COX7A2: variants seen among roughly 807,000 people sequenced by gnomAD.
COX7A2 encodes cytochrome c oxidase subunit 7A2, also known as cytochrome c oxidase subunit 7A2, mitochondrial.
COX7A2 carries 11 observed loss-of-function variants against 11.6 expected under a neutral mutation model. The ratio of observed to expected loss-of-function variants is 0.95; its 90% confidence interval spans 0.60 to 1.57. COX7A2 has a LOEUF of 1.57. Among genes scored for constraint, COX7A2 ranks in the 40% most tolerant of loss-of-function variants. COX7A2 has a pLI of 0.00. For missense variants in COX7A2, 106 were observed against 100.9 expected, an observed-to-expected ratio of 1.05 and a Z score of -0.22; for synonymous variants, 30 against 38.2, an observed-to-expected ratio of 0.78 and a Z score of 0.79.
intron 3 of COX7A2, among the ~76,000 whole-genome samples, chr6:75,239,351 C>T (rs1311557926): frequency 1.3e-5 from 2 of 152,118 alleles, no homozygotes; most frequent in Non-Finnish European, 1.5e-5. Flanking sequence ...AGGGAAAAAC[C>T]CCCACACATT....
At position 75,237,904 on chromosome 6, in the gene COX7A2, C is replaced by A. The variant is rs1771362375; in HGVS notation, c.*26G>T. On this transcript the variant is annotated 3_prime_UTR_variant, in exon 4 of 4. Transcript: ENST00000684430. ...CCATAGAGAGCTGAATGAAACTGAACCAAGCGATTGCTGGGATGACTGAAG... is the reference window on the plus strand; with the variant it reads ...CCATAGAGAGCTGAATGAAACTGAAACAAGCGATTGCTGGGATGACTGAAG... 6.3e-7 allele frequency: 1 copy of A among 1,598,068 alleles called. No homozygotes were observed. The highest frequency in any genetic ancestry group is 8.6e-7 in the Non-Finnish European group (1 of 1,167,450).
chr6:75,248,021 T>A (rs1477930167), upstream of COX7A2, among the ~76,000 whole-genome samples: 1 of 151,956 alleles, frequency 6.6e-6, no homozygotes, highest in Non-Finnish European at 1.5e-5. Flanking sequence ...TAACCTGCTC[T>A]CTCTGCAGTC....
chr6:75,249,101 C>T (rs1771741147), intron 1 of COX7A2, among the ~76,000 whole-genome samples: 1 of 152,014 alleles, frequency 6.6e-6, no homozygotes, highest in African/African-American at 2.4e-5. Context: ...ACTAAAAATA[C>T]AAAAATTAGC....
exon 1 of COX7A2, chr6:75,250,061 G>T (rs1771756404): frequency 6.6e-6 from 1 of 152,210 alleles, no homozygotes; most frequent in Non-Finnish European, 1.5e-5. Flanking sequence ...CTTACCTCAA[G>T]GTGGTTGGCT....
intron 1 of COX7A2, among the ~76,000 whole-genome samples, chr6:75,248,970 G>A (rs1199267576): frequency 6.6e-6 from 1 of 152,088 alleles, no homozygotes; most frequent in African/African-American, 2.4e-5. Context: ...ACAGAATTTT[G>A]GGCCGGGCAC....
chr6:75,238,704 CAAAAAAAAAAA>C (rs35057968), intron 3 of COX7A2, among the ~76,000 whole-genome samples: 2 of 55,750 alleles, frequency 3.6e-5, no homozygotes, highest in African/African-American at 7.5e-5. Context: ...AACTCCATCT[CAAAAAAAAAAA>C]AAAAAAAAAA....
chr6:75,249,670 A>C (rs1771750276), intron 1 of COX7A2, among the ~76,000 whole-genome samples: 1 of 152,258 alleles, frequency 6.6e-6, no homozygotes, highest in African/African-American at 2.4e-5. Flanking sequence ...CAGGGTGGCC[A>C]AATGTCTTGG....
At chr6:75,249,293 T>A (rs1562377861) in intron 1 of COX7A2, among the ~76,000 whole-genome samples, 1 of 152,180 alleles carries the variant, frequency 6.6e-6, no homozygotes, top group Admixed American at 6.5e-5. Flanking sequence ...AGAAATTAAG[T>A]CATTCCAGAT....
chr6:75,243,254 C>G (rs989570738), intron 1 of COX7A2, among the ~76,000 whole-genome samples: 1 of 152,154 alleles, frequency 6.6e-6, no homozygotes, highest in Admixed American at 6.5e-5. Flanking sequence ...AAAGTTCCAC[C>G]CAAAATTGAA....
intron 3 of COX7A2, 123 bp downstream of exon 3, chr6:75,240,172 TATAGTA>T: frequency 1.4e-6 from 1 of 692,312 alleles, no homozygotes; most frequent in Non-Finnish European, 2.5e-6. Flanking sequence ...CATTATGAGA[TATAGTA>T]AGATATCAAA....
At chr6:75,238,898 C>T (rs908233576) in intron 3 of COX7A2, among the ~76,000 whole-genome samples, 1 of 151,756 alleles carries the variant, frequency 6.6e-6, no homozygotes, top group African/African-American at 2.4e-5. Flanking sequence ...TCACTGCAAC[C>T]TCCGCCTACC....
At chr6:75,243,942 T>C, upstream of COX7A2, 2 of 915,504 alleles carry the variant, frequency 2.2e-6, no homozygotes, top group African/African-American at 1.7e-5. Context: ...CGGCTCGCCG[T>C]CTCAGTCCCG....
At chr6:75,239,094 C>T (rs1447457423) in intron 3 of COX7A2, among the ~76,000 whole-genome samples, 1 of 152,184 alleles carries the variant, frequency 6.6e-6, no homozygotes. Flanking sequence ...GGATTACAGG[C>T]ATGAGCCACC....
At chr6:75,249,573 C>T (rs1771748969) in intron 1 of COX7A2, among the ~76,000 whole-genome samples, 1 of 152,048 alleles carries the variant, frequency 6.6e-6, no homozygotes, top group Non-Finnish European at 1.5e-5. Flanking sequence ...TAAAATAACT[C>T]AATAAATATT....
downstream of COX7A2, chr6:75,237,730 T>C: frequency 2.4e-6 from 1 of 417,090 alleles, no homozygotes; most frequent in Non-Finnish European, 4.3e-6. Flanking sequence ...TACCTAAGAT[T>C]TACAAGGCTG....
intron 2 of COX7A2, 111 bp downstream of exon 2, chr6:75,241,065 A>T: frequency 2.2e-6 from 3 of 1,356,344 alleles, no homozygotes; most frequent in Admixed American, 4.2e-5. Context: ...TTTTTTTGTA[A>T]TGTTTATATT....
upstream of COX7A2, among the ~76,000 whole-genome samples, chr6:75,246,010 T>C (rs918215783): frequency 6.6e-6 from 1 of 152,208 alleles, no homozygotes; most frequent in African/African-American, 2.4e-5. Flanking sequence ...CCTTATCCTC[T>C]TAAACCTCTA....
intron 1 of COX7A2, among the ~76,000 whole-genome samples, chr6:75,242,763 G>A (rs1292733494): frequency 6.6e-6 from 1 of 152,020 alleles, no homozygotes; most frequent in African/African-American, 2.4e-5. Context: ...AAATTGCAGT[G>A]AGCCGAGATC....
chr6:75,239,659 CAG>C (rs1383045716), intron 3 of COX7A2, among the ~76,000 whole-genome samples: 1 of 152,182 alleles, frequency 6.6e-6, no homozygotes, highest in Non-Finnish European at 1.5e-5. Context: ...TTTTGCATCA[CAG>C]TCAAAATGTT....
Sources: allele counts gnomAD v4.1 joint callset (sites outside exome capture counted in the v4.1 genomes callset), GRCh38; gene constraint gnomAD v4.1.1; transcripts MANE v1.5; gene names NCBI Gene and HGNC (gene_info 2026-07-23, HGNC 2026-07-21).